Variants in KCTD3 observed in about 807,000 individuals in gnomAD.
KCTD3 encodes the protein BTB/POZ domain-containing protein KCTD3.
Under a neutral mutation model 85.8 loss-of-function variants are expected in KCTD3, and 41 were observed. That is an observed-to-expected ratio of 0.48 (90% CI 0.37 to 0.62). The LOEUF (loss-of-function observed/expected upper bound fraction) is 0.62, where lower values mean the gene tolerates loss of function less well. KCTD3 is among the 20% of genes least tolerant of loss of function. The pLI, the probability that KCTD3 is intolerant of heterozygous loss-of-function variation, is 0.00. For missense variants in KCTD3, 724 were observed against 989.9 expected, an observed-to-expected ratio of 0.73 and a Z score of 3.60; for synonymous variants, 338 against 345.4, an observed-to-expected ratio of 0.98 and a Z score of 0.24.
At chr1:215,587,934 C>T (rs1027809473) in intron 9 of KCTD3, among the ~76,000 whole-genome samples, 3 of 152,052 alleles carry the variant, frequency 2.0e-5, no homozygotes, top group Non-Finnish European at 2.9e-5. Context: ...ATGTTGATAC[C>T]TTTCATTGTA....
chr1:215,614,284 G>A (rs577715370), intron 15 of KCTD3, among the ~76,000 whole-genome samples: 71 of 152,032 alleles, frequency 4.7e-4, no homozygotes, highest in South Asian at 1.2e-3. Context: ...GCTCACCTCC[G>A]CCTCCCAAAG....
chr1:215,603,194 A>C (rs1016403809), intron 12 of KCTD3, among the ~76,000 whole-genome samples: 3 of 152,166 alleles, frequency 2.0e-5, no homozygotes, highest in African/African-American at 7.2e-5. Flanking sequence ...AAACTGGGAA[A>C]GTTTTACAAA....
intron 16 of KCTD3, 32 bp downstream of exon 16, chr1:215,619,102 A>G (rs777224114): frequency 2.9e-5 from 47 of 1,607,802 alleles, no homozygotes; most frequent in South Asian, 5.5e-5. Flanking sequence ...TGTTTGTCAC[A>G]AGGTTAAGCT....
intron 14 of KCTD3, among the ~76,000 whole-genome samples, chr1:215,608,804 A>G (rs1046956977): frequency 1.3e-5 from 2 of 151,962 alleles, no homozygotes; most frequent in African/African-American, 4.8e-5. Flanking sequence ...CTTATAAGCT[A>G]CTTAAGAGAA....
In KCTD3 at chr1:215,575,928, T is replaced by C; in HGVS notation, c.211T>C (p.Phe71Leu). ...AIFIDRDPAA[F>L]APILNFLRTK... ...ATTTATTGATAGAGATCCAGCAGCA[T>C]TTGCACCCATTTTAAATTTTCTTCG... The change falls in exon 4 of 18, where the codon TTT (phenylalanine) becomes CTT (leucine). Residue 71 changes from phenylalanine (F) to leucine (L), a missense_variant. Physicochemically the swap from Phe to Leu is conservative, Grantham distance 22 (BLOSUM62 0). This residue lies in a region of KCTD3 where 97 missense variants were observed against 115.7 expected (regional missense o/e 0.84). Coordinates refer to ENST00000259154, the MANE Select transcript of KCTD3 (RefSeq NM_016121.5). The C allele has an allele frequency of 6.4e-7, 1 of 1,564,718 alleles. No homozygotes were observed. The highest frequency in any genetic ancestry group is 8.7e-7 in the Non-Finnish European group (1 of 1,151,898).
intron 13 of KCTD3, among the ~76,000 whole-genome samples, chr1:215,604,657 A>ATT (rs79700903): frequency 2.4e-4 from 32 of 132,660 alleles, no homozygotes; most frequent in African/African-American, 7.9e-4. Context: ...AGGAGATGTG[A>ATT]TTTTTTTTTT....
In KCTD3 at chr1:215,621,665, ATAATG is replaced by A. The variant is rs1293462426; in HGVS notation, c.*1050_*1054del. ...TTAAAGCATTAGCATTTATTGGTGA[ATAATG>A]TATATATCCCCATTCCAAGAAATAT... On this transcript the variant is annotated 3_prime_UTR_variant, in exon 18 of 18. Transcript: ENST00000259154. The A allele has an allele frequency of 6.6e-6, 1 of 152,588 alleles. No individual in the cohort carries two copies. Among genetic ancestry groups the A allele is most frequent in the Non-Finnish European group, 1.5e-5 (1 of 67,996 alleles). The allele number at this position is 152,588 out of a possible 1,614,324, so 9.5% of individuals were successfully genotyped here. A position where few individuals can be genotyped will look rare whatever the true frequency, so the allele number is the denominator to read the frequency against.
At chr1:215,587,375 C>T (rs1420628685) in intron 9 of KCTD3, among the ~76,000 whole-genome samples, 1 of 152,112 alleles carries the variant, frequency 6.6e-6, no homozygotes, top group East Asian at 1.9e-4. Context: ...GTGATCCGCC[C>T]ACCTCGGCCT....
chr1:215,573,979 T>A, intron 2 of KCTD3, 94 bp from the exon 3 acceptor site: 1 of 1,036,694 alleles, frequency 9.6e-7, no homozygotes, highest in Non-Finnish European at 1.4e-6. Flanking sequence ...ATAGATAACT[T>A]ACTTTTAGTG....
intron 1 of KCTD3, among the ~76,000 whole-genome samples, chr1:215,573,389 A>G (rs1659440790): frequency 6.6e-6 from 1 of 152,184 alleles, no homozygotes; most frequent in African/African-American, 2.4e-5. Flanking sequence ...GATATGAAGA[A>G]GTTTTGTCCT....
chr1:215,608,973 A>G (rs753482899), intron 14 of KCTD3, among the ~76,000 whole-genome samples: 7 of 151,996 alleles, frequency 4.6e-5, no homozygotes, highest in Non-Finnish European at 1.0e-4. Flanking sequence ...TGTGTTCTAG[A>G]TATTAGAAAT....
chr1:215,595,420 G>A lies in KCTD3; in HGVS notation c.882G>A (p.Thr294=), dbSNP rs1371630489. 8 of 1,613,852 alleles carry A rather than the reference G, an allele frequency of 5.0e-6. No individual in the cohort carries two copies. The highest frequency in any genetic ancestry group is 3.3e-5 in the South Asian group (3 of 91,034). ...TTATTGGTAACCAGTTGGTGGCCAC[G>A]AGTCATACAGGGAAAGTGGGAGTGT... The part of the protein sequence containing the change: ...LFFIGNQLVA[T]SHTGKVGVWN... Residue 294 remains threonine, a synonymous_variant, in exon 10 of 18, where the codon ACG becomes ACA. Coordinates refer to ENST00000259154, the MANE Select transcript of KCTD3 (RefSeq NM_016121.5).
intron 4 of KCTD3, 103 bp downstream of exon 4, chr1:215,576,077 T>A: frequency 1.5e-6 from 1 of 688,384 alleles, no homozygotes; most frequent in Admixed American, 3.2e-5. Flanking sequence ...TTTTTTTTCC[T>A]TGAGTTGCAG....
At chr1:215,575,044 A>G (rs536014572) in intron 3 of KCTD3, among the ~76,000 whole-genome samples, 1 of 152,170 alleles carries the variant, frequency 6.6e-6, no homozygotes, top group African/African-American at 2.4e-5. Flanking sequence ...CTGAGGTCAG[A>G]AGTTCAAGAC....
intron 8 of KCTD3, among the ~76,000 whole-genome samples, chr1:215,586,244 A>G (rs547505391): frequency 2.0e-5 from 3 of 152,186 alleles, no homozygotes; most frequent in Non-Finnish European, 4.4e-5. Flanking sequence ...TTGGGGAAAT[A>G]TAGAACTGTA....
rs537446662 is a variant in KCTD3, at chr1:215,597,202, C to A, written c.933+1731C>A. 1.3e-4 allele frequency among the ~76,000 whole-genome samples: 19 copies of A among 148,964 alleles called. No homozygotes were observed. In the South Asian group the frequency reaches 3.6e-3, roughly 28 times the overall value. On this transcript the variant is annotated intron_variant, in intron 10 of 17. Coordinates refer to ENST00000259154, the MANE Select transcript of KCTD3 (RefSeq NM_016121.5). ...AATATTAATGAAAATGTTATAAAAG[C>A]GTTGACTCTGATTTGGGTAAGAAAA... is the stretch of plus-strand genomic sequence containing the variant.
intron 14 of KCTD3, among the ~76,000 whole-genome samples, chr1:215,611,488 G>A (rs561231871): frequency 6.6e-6 from 1 of 152,000 alleles, no homozygotes; most frequent in African/African-American, 2.4e-5. Flanking sequence ...TAAGTTATAA[G>A]AATCTAAGCA....
At chr1:215,615,017 CTGTTA>C (rs1187037747) in intron 15 of KCTD3, among the ~76,000 whole-genome samples, 1 of 152,164 alleles carries the variant, frequency 6.6e-6, no homozygotes, top group Non-Finnish European at 1.5e-5. Context: ...ATCCCCTCTT[CTGTTA>C]TTTCTGATAT....
chr1:215,601,235 C>T (rs1191215375), intron 10 of KCTD3, among the ~76,000 whole-genome samples: 1 of 145,098 alleles, frequency 6.9e-6, no homozygotes, highest in Non-Finnish European at 1.5e-5. Flanking sequence ...AATTTGTAAA[C>T]TAGATTGATT....
Sources: allele counts gnomAD v4.1 joint callset (sites outside exome capture counted in the v4.1 genomes callset), GRCh38; gene constraint gnomAD v4.1.1; regional missense constraint gnomAD v4.1.1; transcripts MANE v1.5; gene names NCBI Gene and HGNC (gene_info 2026-07-23, HGNC 2026-07-21).